HDX: variants seen among roughly 807,000 people sequenced by gnomAD.
HDX encodes the protein highly divergent homeobox, also known as chromosome X open reading frame 43.
In HDX, 19 loss-of-function variants were observed where a neutral mutation model predicts 45.2. The ratio of observed to expected loss-of-function variants is 0.42; its 90% CI spans 0.29 to 0.62. The LOEUF (loss-of-function observed/expected upper bound fraction) is 0.62, where lower values mean the gene tolerates loss of function less well. HDX is among the 20% of genes least tolerant of loss of function. The probability of loss-of-function intolerance (pLI) is 0.20; values close to 1 mark genes in which losing one functional copy is unlikely to be tolerated. For synonymous variants in HDX, 188 were observed against 172.8 expected (o/e 1.09, Z -0.69); for missense variants, 532 against 493.9 (o/e 1.08, Z -0.73).
intron 2 of HDX, among the ~76,000 whole-genome samples, chrX:84,486,883 A>G (rs2040804975): frequency 9.0e-6 from 1 of 111,587 alleles, no homozygotes; most frequent in African/African-American, 3.3e-5. Flanking sequence ...ATCTTTTACA[A>G]AATTTGAGAA....
intron 6 of HDX, among the ~76,000 whole-genome samples, chrX:84,347,602 C>A (rs2037236715): frequency 1.8e-5 from 2 of 111,484 alleles, no homozygotes; most frequent in African/African-American, 6.5e-5. Context: ...ATCTGAAGGA[C>A]TTTTCAACAT....
chrX:84,408,636 C>T (rs1243387187), intron 5 of HDX, among the ~76,000 whole-genome samples: 1 of 106,461 alleles, frequency 9.4e-6, no homozygotes, highest in Non-Finnish European at 1.9e-5. Context: ...AGCATTCAGT[C>T]TGTGAATTTA....
intron 7 of HDX, among the ~76,000 whole-genome samples, chrX:84,341,557 T>C (rs1353410390): frequency 9.1e-6 from 1 of 110,313 alleles, no homozygotes; most frequent in Non-Finnish European, 1.9e-5. Context: ...TACTGCAATC[T>C]GCTTGCCTCT....
At chrX:84,465,685 G>A (rs1391129020) in intron 4 of HDX, among the ~76,000 whole-genome samples, 4 of 111,892 alleles carry the variant, frequency 3.6e-5, no homozygotes, top group African/African-American at 6.5e-5. Context: ...CGGGTGCCTA[G>A]GGGAGGGATA....
intron 4 of HDX, among the ~76,000 whole-genome samples, chrX:84,456,777 TAAAG>T (rs1161229015): frequency 1.8e-5 from 2 of 110,788 alleles, no homozygotes; most frequent in East Asian, 2.8e-4. Context: ...TAAAAAGAGA[TAAAG>T]AAAGTCATTA....
At chrX:84,434,618 G>A (rs2039581365) in intron 5 of HDX, among the ~76,000 whole-genome samples, 1 of 110,634 alleles carries the variant, frequency 9.0e-6, no homozygotes, top group Non-Finnish European at 1.9e-5. Flanking sequence ...AGTGATATTG[G>A]CCTGTTGTTT....
At chrX:84,365,307 G>A (rs750923574) in intron 5 of HDX, among the ~76,000 whole-genome samples, 1 of 111,273 alleles carries the variant, frequency 9.0e-6, no homozygotes, top group South Asian at 3.8e-4. Flanking sequence ...CTTCCCACTG[G>A]TGAGAAAGGG....
intron 6 of HDX, among the ~76,000 whole-genome samples, chrX:84,358,344 A>G (rs2037537300): frequency 9.2e-6 from 1 of 108,591 alleles, no homozygotes; most frequent in Non-Finnish European, 1.9e-5. Flanking sequence ...CTATATACGT[A>G]TATAACTTTG....
intron 5 of HDX, among the ~76,000 whole-genome samples, chrX:84,377,938 G>C (rs190491274): frequency 1.5e-4 from 17 of 110,864 alleles, no homozygotes; most frequent in Non-Finnish European, 2.8e-4. Flanking sequence ...ACCCAAAGAA[G>C]ACTACCTCAA....
chrX:84,327,403 G>A (rs1286016997), intron 9 of HDX, among the ~76,000 whole-genome samples: 2 of 111,721 alleles, frequency 1.8e-5, no homozygotes. Context: ...GAAAGCCACA[G>A]TAATCAAGAA....
At chrX:84,328,508 G>A (rs1424212089) in intron 9 of HDX, among the ~76,000 whole-genome samples, 13 of 111,925 alleles carry the variant, frequency 1.2e-4, no homozygotes, top group Non-Finnish European at 7.5e-5. Context: ...CAGAATACAT[G>A]AAGAACTGTT....
chrX:84,367,054 G>A, intron 5 of HDX, among the ~76,000 whole-genome samples: 1 of 111,890 alleles, frequency 8.9e-6, no homozygotes, highest in East Asian at 2.8e-4. Context: ...TCCTCAGAGT[G>A]AACAGGCAAC....
intron 2 of HDX, among the ~76,000 whole-genome samples, chrX:84,486,724 T>G (rs1242650844): frequency 1.8e-5 from 2 of 110,779 alleles, no homozygotes; most frequent in Non-Finnish European, 3.8e-5. Context: ...ATACCCTTGT[T>G]TTCCTATGTA....
At chrX:84,438,551 C>T (rs1264956866) in intron 5 of HDX, among the ~76,000 whole-genome samples, 1 of 107,855 alleles carries the variant, frequency 9.3e-6, no homozygotes, top group Non-Finnish European at 1.9e-5. Flanking sequence ...TCCCTCCCTC[C>T]CACATCTAGT....
In HDX at chrX:84,344,388, G is replaced by A. The variant is rs1233352200; in HGVS notation, c.1522C>T (p.Pro508Ser). The part of the protein sequence containing the change: ...GIEVPPPRGG[P>S]ADFSEQPESG... ...TCAGGCTGCTCAGAGAAATCAGCAG[G>A]GCCTCCTCTTGGAGGTGGAACTTCA... Residue 508 changes from proline (P) to serine (S), a missense_variant, in exon 7 of 11, where the codon CCT becomes TCT. Physicochemically the swap from Pro to Ser is moderately conservative, Grantham distance 74 (BLOSUM62 -1). Around this residue, in one of 3 missense-constraint regions of HDX, gnomAD observed 151 missense variants for 131.8 expected, o/e 1.15. Transcript: ENST00000373177. The A allele has an allele frequency of 1.7e-6, 2 of 1,203,454 alleles. No individual in the cohort carries two copies. Among genetic ancestry groups the A allele is most frequent in the Non-Finnish European group, 2.2e-6 (2 of 890,095 alleles).
chrX:84,444,899 T>C (rs2039839812), intron 4 of HDX, among the ~76,000 whole-genome samples: 2 of 111,685 alleles, frequency 1.8e-5, no homozygotes, highest in Admixed American at 9.5e-5. Context: ...AATAGTTAAG[T>C]TTTATAGATG....
At chrX:84,496,501 G>C (rs143253788) in intron 1 of HDX, among the ~76,000 whole-genome samples, 2 of 110,116 alleles carry the variant, frequency 1.8e-5, no homozygotes, top group Non-Finnish European at 3.8e-5. Context: ...CCACTCTATG[G>C]AACACACTTT....
At chrX:84,339,327 T>A (rs930972312) in intron 7 of HDX, among the ~76,000 whole-genome samples, 3 of 111,541 alleles carry the variant, frequency 2.7e-5, no homozygotes, top group Non-Finnish European at 5.7e-5. Context: ...AAAAGTGTCA[T>A]CAGCCAGTAT....
intron 7 of HDX, among the ~76,000 whole-genome samples, chrX:84,340,509 A>G (rs2037062955): frequency 9.0e-6 from 1 of 110,750 alleles, no homozygotes; most frequent in Admixed American, 9.6e-5. Context: ...TCTTAGATGT[A>G]ATTAATGGAA....
Sources: allele counts gnomAD v4.1 joint callset (sites outside exome capture counted in the v4.1 genomes callset), GRCh38; gene constraint gnomAD v4.1.1; regional missense constraint gnomAD v4.1.1; transcripts MANE v1.5; gene names NCBI Gene and HGNC (gene_info 2026-07-23, HGNC 2026-07-21).